The following SEMA3A variants were observed in gnomAD, a reference collection of about 807,000 sequenced individuals.
SEMA3A encodes the protein semaphorin 3A, also known as semaphorin-3A.
Under a neutral mutation model 97.9 loss-of-function variants are expected in SEMA3A, and 29 were observed. The ratio of observed to expected loss-of-function variants is 0.30; its 90% CI spans 0.22 to 0.40. The LOEUF is 0.40. Ranked by LOEUF, SEMA3A falls within the 10% of genes least tolerant of loss-of-function variation. The probability of loss-of-function intolerance (pLI) is 1.00; values close to 1 mark genes in which losing one functional copy is unlikely to be tolerated. For synonymous variants in SEMA3A, 321 were observed against 323.7 expected (o/e 0.99, Z 0.09); for missense variants, 763 against 951.3 (o/e 0.80, Z 2.60).
intron 2 of SEMA3A, among the ~76,000 whole-genome samples, chr7:84,367,316 T>C (rs1584268770): frequency 6.6e-6 from 1 of 151,400 alleles, no homozygotes; most frequent in Admixed American, 6.6e-5. Flanking sequence ...TCAGGTTATA[T>C]GCCATTGCCT....
At chr7:84,360,027 C>A in intron 2 of SEMA3A, among the ~76,000 whole-genome samples, 1 of 150,530 alleles carries the variant, frequency 6.6e-6, no homozygotes, top group Non-Finnish European at 1.5e-5. Flanking sequence ...ATTCTTCTCT[C>A]TTTTCTTCTT....
At chr7:84,037,393 T>A (rs1216249615) in intron 6 of SEMA3A, among the ~76,000 whole-genome samples, 2 of 152,090 alleles carry the variant, frequency 1.3e-5, no homozygotes, top group Non-Finnish European at 1.5e-5. Flanking sequence ...AGTGGCATGA[T>A]CATGGCTCAC....
At chr7:84,065,012 C>G (rs375985466) in intron 4 of SEMA3A, among the ~76,000 whole-genome samples, 1,406 of 120,156 alleles carry the variant, frequency 0.012, 4 homozygotes, top group Middle Eastern at 0.036. Flanking sequence ...TGACCACATA[C>G]TTGGAAGTGA....
chr7:84,247,073 T>C (rs1467520825), intron 3 of SEMA3A, among the ~76,000 whole-genome samples: 1 of 152,098 alleles, frequency 6.6e-6, no homozygotes, highest in African/African-American at 2.4e-5. Flanking sequence ...AGATTGATAT[T>C]TGATATCAGT....
intron 3 of SEMA3A, among the ~76,000 whole-genome samples, chr7:84,218,067 TA>T (rs374083076): frequency 6.6e-6 from 1 of 152,272 alleles, no homozygotes; most frequent in African/African-American, 2.4e-5. Flanking sequence ...GTCTTGGTGA[TA>T]TTTTTTGTAT....
intron 3 of SEMA3A, among the ~76,000 whole-genome samples, chr7:84,127,915 G>A (rs1314441063): frequency 6.6e-6 from 1 of 151,854 alleles, no homozygotes; most frequent in Non-Finnish European, 1.5e-5. Context: ...TAAACATATT[G>A]CTTTGTATTT....
chr7:84,465,811 G>A (rs1007231569), intron 1 of SEMA3A, among the ~76,000 whole-genome samples: 2 of 151,996 alleles, frequency 1.3e-5, no homozygotes, highest in African/African-American at 4.8e-5. Context: ...TTCATTACAA[G>A]CATCAACATT....
chr7:84,271,735 C>T (rs950529410), intron 3 of SEMA3A, among the ~76,000 whole-genome samples: 2 of 151,992 alleles, frequency 1.3e-5, no homozygotes, highest in Admixed American at 1.3e-4. Flanking sequence ...ACCAAAGATG[C>T]AAGATGAGGC....
At chr7:84,038,431 GT>G (rs1200286106) in intron 6 of SEMA3A, among the ~76,000 whole-genome samples, 2 of 151,776 alleles carry the variant, frequency 1.3e-5, no homozygotes, top group Admixed American at 1.3e-4. Context: ...TTTTGTAGTA[GT>G]TATTTTTCCA....
At chr7:84,346,920 T>C (rs146262122) in intron 2 of SEMA3A, among the ~76,000 whole-genome samples, 41 of 152,030 alleles carry the variant, frequency 2.7e-4, no homozygotes, top group African/African-American at 9.2e-4. Context: ...AAGGAATAAT[T>C]CCCATATAGT....
chr7:84,215,169 C>A (rs768309093), intron 3 of SEMA3A, among the ~76,000 whole-genome samples: 3 of 151,146 alleles, frequency 2.0e-5, no homozygotes, highest in African/African-American at 4.9e-5. Context: ...CCGCGCCTGG[C>A]CCTTATTTTA....
intron 1 of SEMA3A, among the ~76,000 whole-genome samples, chr7:84,144,411 A>C (rs1796405814): frequency 6.6e-6 from 1 of 152,044 alleles, no homozygotes; most frequent in Admixed American, 6.6e-5. Flanking sequence ...AATAAAATCT[A>C]ATTTTTTGAA....
At chr7:84,287,062 T>G (rs553461371) in intron 3 of SEMA3A, among the ~76,000 whole-genome samples, 2 of 152,264 alleles carry the variant, frequency 1.3e-5, no homozygotes, top group East Asian at 3.9e-4. Flanking sequence ...GTCAGGCTAT[T>G]TTTATCTCTT....
At chr7:84,060,626 C>A in intron 4 of SEMA3A, 68 bp from the exon 5 acceptor site, 2 of 982,708 alleles carry the variant, frequency 2.0e-6, no homozygotes, top group Non-Finnish European at 2.9e-6. Context: ...TTCAACACAT[C>A]AGTTAATCAG....
chr7:84,095,084 A>G (rs1287556143), intron 4 of SEMA3A, among the ~76,000 whole-genome samples: 1 of 149,166 alleles, frequency 6.7e-6, no homozygotes, highest in Non-Finnish European at 1.5e-5. Context: ...ATTTATTTAT[A>G]ATTTATATAA....
intron 1 of SEMA3A, among the ~76,000 whole-genome samples, chr7:84,407,241 T>C (rs1400029467): frequency 1.3e-5 from 2 of 152,144 alleles, no homozygotes; most frequent in African/African-American, 2.4e-5. Context: ...ATCACAAGCA[T>C]TTTTATACAC....
At chr7:84,126,084 A>G (rs533609160) in intron 3 of SEMA3A, among the ~76,000 whole-genome samples, 1 of 152,346 alleles carries the variant, frequency 6.6e-6, no homozygotes, top group South Asian at 2.1e-4. Flanking sequence ...ACTCTATTAC[A>G]TATACTAATA....
chr7:84,175,474 G>A (rs1000289168), intron 1 of SEMA3A, among the ~76,000 whole-genome samples: 4 of 152,172 alleles, frequency 2.6e-5, no homozygotes, highest in Non-Finnish European at 5.9e-5. Flanking sequence ...ACTGTGTTAC[G>A]TAGTCCCATG....
At chr7:84,323,827 A>G (rs1471616728) in intron 2 of SEMA3A, among the ~76,000 whole-genome samples, 55 of 152,334 alleles carry the variant, frequency 3.6e-4, no homozygotes, top group Non-Finnish European at 1.0e-4. Flanking sequence ...TTCTGATATT[A>G]TAACAGACAG....
Sources: allele counts gnomAD v4.1 joint callset (sites outside exome capture counted in the v4.1 genomes callset), GRCh38; gene constraint gnomAD v4.1.1; transcripts MANE v1.5; gene names NCBI Gene and HGNC (gene_info 2026-07-23, HGNC 2026-07-21).